Variants in ERMP1 observed in about 807,000 individuals in gnomAD.
ERMP1 encodes the protein endoplasmic reticulum metallopeptidase 1, also known as Felix-ina.
Under a neutral mutation model 92.0 loss-of-function variants are expected in ERMP1, and 86 were observed. That is an observed-to-expected ratio of 0.93 (90% CI 0.79 to 1.12). ERMP1 has a LOEUF of 1.12. Ranked by LOEUF, ERMP1 falls within the 50% of genes most tolerant of loss-of-function variation. The pLI is 0.00. For synonymous variants in ERMP1, 530 were observed against 412.8 expected, an observed-to-expected ratio of 1.28 and a Z score of -3.44; for missense variants, 1,342 against 1,116.3, an observed-to-expected ratio of 1.20 and a Z score of -2.88.
At chr9:5,828,518 C>T (rs1335028638) in intron 2 of ERMP1, among the ~76,000 whole-genome samples, 12 of 152,188 alleles carry the variant, frequency 7.9e-5, no homozygotes, top group Admixed American at 7.9e-4. Flanking sequence ...CCTTTCTCTA[C>T]CATTTATTTG....
intron 6 of ERMP1, among the ~76,000 whole-genome samples, chr9:5,853,622 A>C (rs1321179304): frequency 6.6e-6 from 1 of 151,938 alleles, no homozygotes; most frequent in Admixed American, 6.6e-5. Context: ...GGCAGATGGG[A>C]GTTAGAGAGC....
chr9:5,793,052 A>G (rs1363814257), intron 13 of ERMP1, among the ~76,000 whole-genome samples: 1 of 152,162 alleles, frequency 6.6e-6, no homozygotes, highest in East Asian at 1.9e-4. Context: ...ATGTATACTT[A>G]TATGTGTGCA....
intron 10 of ERMP1, among the ~76,000 whole-genome samples, chr9:5,802,174 C>A (rs773517806): frequency 1.4e-4 from 21 of 152,116 alleles, no homozygotes; most frequent in Non-Finnish European, 2.2e-4. Context: ...GCTAGCTCAG[C>A]CTCAAGTCCT....
chr9:5,812,824 A>G, intron 5 of ERMP1, 65 bp downstream of exon 5: 1 of 1,568,964 alleles, frequency 6.4e-7, no homozygotes, highest in South Asian at 1.1e-5. Context: ...ACATACTTTC[A>G]AGATTTAAAA....
At chr9:5,836,165 G>T (rs1830093870), upstream of ERMP1, among the ~76,000 whole-genome samples, 1 of 152,182 alleles carries the variant, frequency 6.6e-6, no homozygotes, top group Non-Finnish European at 1.5e-5. Flanking sequence ...GTTTGGCCAA[G>T]GTAAGTGGAA....
At chr9:5,819,354 A>C (rs1489396933) in intron 4 of ERMP1, among the ~76,000 whole-genome samples, 2 of 152,218 alleles carry the variant, frequency 1.3e-5, no homozygotes, top group African/African-American at 4.8e-5. Context: ...AAGGCCATGA[A>C]GGGAGGGTTC....
chr9:5,856,293 G>T, intron 6 of ERMP1: 1 of 255,152 alleles, frequency 3.9e-6, no homozygotes, highest in South Asian at 4.8e-5. Flanking sequence ...TTATTGTTTT[G>T]CCATGTCAGT....
chr9:5,819,658 A>G (rs1829455782), intron 4 of ERMP1, among the ~76,000 whole-genome samples: 3 of 152,212 alleles, frequency 2.0e-5, no homozygotes, highest in African/African-American at 7.2e-5. Flanking sequence ...ACTATGGCAC[A>G]TGTATTCCTA....
Position 5,787,048 on chromosome 9 carries a change from T to C in ERMP1, c.*96A>G. On this transcript the variant is annotated 3_prime_UTR_variant, in exon 15 of 15. Coordinates refer to ENST00000339450, the MANE Select transcript of ERMP1 (RefSeq NM_024896.3). Reference sequence around the variant, plus strand: ...CTCTTTGAACATATGATCATTAAAATTCATTGACTTACGTTACAAACATCC... The same window carrying C: ...CTCTTTGAACATATGATCATTAAAACTCATTGACTTACGTTACAAACATCC... 1 of 1,241,268 alleles carries C rather than the reference T, an allele frequency of 8.1e-7. No homozygotes were observed. The allele number at this position is 1,241,268 out of a possible 1,614,324, so 76.9% of individuals were successfully genotyped here.
At chr9:5,815,625 G>C (rs982146310) in intron 4 of ERMP1, among the ~76,000 whole-genome samples, 1 of 152,036 alleles carries the variant, frequency 6.6e-6, no homozygotes, top group Non-Finnish European at 1.5e-5. Flanking sequence ...AAAAATGCTT[G>C]GGGACAAGAG....
At chr9:5,857,819 T>C in intron 6 of ERMP1, among the ~76,000 whole-genome samples, 1 of 152,226 alleles carries the variant, frequency 6.6e-6, no homozygotes, top group Non-Finnish European at 1.5e-5. Flanking sequence ...TCATCAAGTG[T>C]TTACTAAGCA....
At chr9:5,837,264 T>C (rs569645945), upstream of ERMP1, among the ~76,000 whole-genome samples, 1 of 152,264 alleles carries the variant, frequency 6.6e-6, no homozygotes, top group South Asian at 2.1e-4. Context: ...GTACTATAGG[T>C]GTGCCACTGC....
chr9:5,842,098 A>G (rs1830171799), intron 6 of ERMP1, among the ~76,000 whole-genome samples: 2 of 152,132 alleles, frequency 1.3e-5, no homozygotes, highest in African/African-American at 2.4e-5. Context: ...AGCAAGATTT[A>G]TTGTGAAAAC....
At position 5,797,879 on chromosome 9, in the gene ERMP1, A is replaced by C. The variant is rs1469179934; in HGVS notation, c.2324T>G (p.Phe775Cys). The change falls in exon 13 of 15, where the codon TTC (phenylalanine) becomes TGC (cysteine). Residue 775 changes from phenylalanine to cysteine, a missense_variant. Physicochemically the swap from Phe to Cys is radical, Grantham distance 205. Transcript: ENST00000339450. ...TGTCTGTTCTTTGGATATGAGTCGG[A>C]AATGAGGAGGATTTCTTGGAGAAAC... The part of the protein sequence containing the change: ...PEVSPRNPPH[F>C]RLISKEQTPW... 1 of 1,613,922 alleles carries C rather than the reference A, an allele frequency of 6.2e-7. No individual in the cohort carries two copies. Among genetic ancestry groups the C allele is most frequent in the Admixed American group, 1.7e-5 (1 of 59,990 alleles).
intron 4 of ERMP1, among the ~76,000 whole-genome samples, chr9:5,816,323 T>C (rs934849516): frequency 6.6e-6 from 1 of 152,220 alleles, no homozygotes; most frequent in Non-Finnish European, 1.5e-5. Context: ...ATCAATGTTC[T>C]GTTACAGAAG....
intron 7 of ERMP1, 59 bp from the exon 8 acceptor site, chr9:5,810,290 C>A: frequency 7.8e-7 from 1 of 1,274,722 alleles, no homozygotes; most frequent in Non-Finnish European, 1.1e-6. Flanking sequence ...GTTATATAAC[C>A]AGTCAGTAGA....
chr9:5,849,084 A>G (rs901897943), intron 6 of ERMP1, among the ~76,000 whole-genome samples: 1 of 152,084 alleles, frequency 6.6e-6, no homozygotes, highest in African/African-American at 2.4e-5. Flanking sequence ...GTGCAGTGGC[A>G]CGATCTTGGC....
At chr9:5,826,270 C>A (rs1586819069) in intron 2 of ERMP1, among the ~76,000 whole-genome samples, 1 of 152,204 alleles carries the variant, frequency 6.6e-6, no homozygotes, top group Non-Finnish European at 1.5e-5. Context: ...ACTAACGTAA[C>A]TCAGGCAGTA....
rs1830006996 is a variant in ERMP1, at chr9:5,832,748, GCTGCAGCGAGAGCT to G, written c.266_279del (p.Gln89ProfsTer24). On this transcript the variant is annotated frameshift_variant, in exon 1 of 15. Coordinates refer to ENST00000339450, the MANE Select transcript of ERMP1 (RefSeq NM_024896.3). LOFTEE classifies it high-confidence loss of function. Reference sequence around the variant, plus strand: ...CCAGCGGCCCCGCGTAGCACGAGCTGCTGCAGCGAGAGCTGCACCAGCGTCCGCAGCGCGATCAG... The same window carrying G: ...CCAGCGGCCCCGCGTAGCACGAGCTGGCACCAGCGTCCGCAGCGCGATCAG... The G allele has an allele frequency of 2.0e-6, 3 of 1,497,364 alleles. No individual in the cohort carries two copies. Among genetic ancestry groups the G allele is most frequent in the Non-Finnish European group, 2.6e-6 (3 of 1,132,114 alleles). 92.8% of individuals were successfully genotyped at this position (1,497,364 alleles called of 1,614,324 possible).
Sources: gnomAD v4.1 joint callset for allele counts (sites outside exome capture counted in the v4.1 genomes callset) on GRCh38, gnomAD v4.1.1 for gene constraint, MANE v1.5 for transcripts, NCBI Gene and HGNC (gene_info 2026-07-23, HGNC 2026-07-21) for gene names.